The following LGSN variants were observed in gnomAD, a reference collection of about 807,000 sequenced individuals.
LGSN encodes the protein lengsin.
LGSN carries 21 observed loss-of-function variants against 19.5 expected under a neutral mutation model. The ratio of observed to expected loss-of-function variants is 1.07; its 90% CI spans 0.76 to 1.55. The LOEUF (loss-of-function observed/expected upper bound fraction) is 1.55, where lower values mean the gene tolerates loss of function less well. LGSN is among the 40% of genes most tolerant of loss of function. The probability of loss-of-function intolerance (pLI) is 0.00; values close to 1 mark genes in which losing one functional copy is unlikely to be tolerated. For synonymous variants in LGSN, 257 were observed against 215.6 expected (o/e 1.19, Z -1.68); for missense variants, 673 against 608.5 (o/e 1.11, Z -1.12).
chr6:63,458,171 G>A, the LGSN span, among the ~76,000 whole-genome samples: 1 of 152,008 alleles, frequency 6.6e-6, no homozygotes, highest in Non-Finnish European at 1.5e-5. Context: ...GGGTTCAAGC[G>A]ATTCTCCTGC....
chr6:63,372,496 G>T, the LGSN span, among the ~76,000 whole-genome samples: 1 of 152,090 alleles, frequency 6.6e-6, no homozygotes, highest in African/African-American at 2.4e-5. Flanking sequence ...TGGTAAGAGG[G>T]GGGGAAATAA....
intron 1 of LGSN, among the ~76,000 whole-genome samples, chr6:63,308,055 G>C (rs1442587031): frequency 6.6e-6 from 1 of 152,180 alleles, no homozygotes; most frequent in African/African-American, 2.4e-5. Flanking sequence ...GATAGGGAGT[G>C]AGGTAAACCA....
chr6:63,469,245 C>T, the LGSN span, among the ~76,000 whole-genome samples: 2 of 152,170 alleles, frequency 1.3e-5, no homozygotes, highest in East Asian at 3.8e-4. Flanking sequence ...TGGTATGCTT[C>T]AATCTACTAT....
the LGSN span, among the ~76,000 whole-genome samples, chr6:63,363,459 T>A: frequency 6.6e-6 from 1 of 152,270 alleles, no homozygotes; most frequent in African/African-American, 2.4e-5. Flanking sequence ...TGAAAAAAGA[T>A]TAGATGAATG....
At chr6:63,508,867 C>T in the LGSN span, among the ~76,000 whole-genome samples, 892 of 145,536 alleles carry the variant, frequency 6.1e-3, 7 homozygotes, top group South Asian at 0.024. Flanking sequence ...TGCAGTGAGC[C>T]GAGATTGGGC....
At chr6:63,327,112 C>G in the LGSN span, among the ~76,000 whole-genome samples, 2 of 152,164 alleles carry the variant, frequency 1.3e-5, no homozygotes, top group East Asian at 3.9e-4. Flanking sequence ...AAGAAGGGGC[C>G]CTGCAGTTGT....
chr6:63,367,162 A>T, the LGSN span, among the ~76,000 whole-genome samples: 1 of 152,194 alleles, frequency 6.6e-6, no homozygotes, highest in African/African-American at 2.4e-5. Context: ...CAACCTACAG[A>T]ATGGGAGAAA....
chr6:63,366,526 A>G, the LGSN span, among the ~76,000 whole-genome samples: 2 of 152,332 alleles, frequency 1.3e-5, no homozygotes, highest in Non-Finnish European at 2.9e-5. Flanking sequence ...AAGATAATTT[A>G]TAGTTTCAAT....
the LGSN span, among the ~76,000 whole-genome samples, chr6:63,543,589 G>A: frequency 1.6e-4 from 25 of 152,310 alleles, no homozygotes; most frequent in Non-Finnish European, 2.9e-4. Flanking sequence ...ATGATTGAAT[G>A]TGAGGAAGGA....
the LGSN span, among the ~76,000 whole-genome samples, chr6:63,415,358 T>A: frequency 6.6e-6 from 1 of 152,130 alleles, no homozygotes; most frequent in African/African-American, 2.4e-5. Flanking sequence ...CAAGACTGGG[T>A]AATTTATAAA....
rs546846778 is a variant in LGSN, at chr6:63,288,892, GT to G, written c.164-3140del. ...AACCTTAATTACCTCTTTAAAGAAC[GT>G]ATCTCCAAATTCAGCCACACTATCA... On this transcript the variant is annotated intron_variant, in intron 2 of 3. Coordinates refer to ENST00000370657, the MANE Select transcript of LGSN (RefSeq NM_016571.3). Among the ~76,000 whole-genome samples the G allele has an allele frequency of 4.0e-4, 61 of 152,302 alleles. 1 individual carries two copies. In the South Asian group the frequency reaches 0.013, roughly 32 times the overall value.
chr6:63,527,181 C>A, the LGSN span, among the ~76,000 whole-genome samples: 1 of 152,154 alleles, frequency 6.6e-6, no homozygotes, highest in Admixed American at 6.5e-5. Flanking sequence ...TACAGTGAGT[C>A]TTCCTCAGAA....
upstream of LGSN, among the ~76,000 whole-genome samples, chr6:63,322,969 C>T (rs578172770): frequency 2.6e-5 from 4 of 152,150 alleles, no homozygotes; most frequent in South Asian, 4.2e-4. Context: ...TAGAAAACAG[C>T]GTAACTCCCT....
At chr6:63,529,194 T>C in the LGSN span, among the ~76,000 whole-genome samples, 1 of 141,596 alleles carries the variant, frequency 7.1e-6, no homozygotes, top group Admixed American at 7.3e-5. Flanking sequence ...TATGTGTGTA[T>C]ATATATATAT....
At chr6:63,451,009 A>T in the LGSN span, among the ~76,000 whole-genome samples, 2 of 152,198 alleles carry the variant, frequency 1.3e-5, no homozygotes, top group African/African-American at 4.8e-5. Flanking sequence ...ATCAAAAGGG[A>T]CAGGGCACTC....
chr6:63,498,021 C>T, the LGSN span, among the ~76,000 whole-genome samples: 2 of 151,142 alleles, frequency 1.3e-5, no homozygotes, highest in South Asian at 2.1e-4. Flanking sequence ...CGGGTTCAAG[C>T]GATTCTCTTG....
chr6:63,562,474 C>A, the LGSN span, among the ~76,000 whole-genome samples: 1 of 152,216 alleles, frequency 6.6e-6, no homozygotes, highest in Non-Finnish European at 1.5e-5. Context: ...GCTGGGATTA[C>A]AGGCGTGAGC....
At chr6:63,425,820 C>T in the LGSN span, among the ~76,000 whole-genome samples, 2 of 151,692 alleles carry the variant, frequency 1.3e-5, no homozygotes, top group East Asian at 3.9e-4. Flanking sequence ...AAAATAAAAA[C>T]AATAAAAAGA....
the LGSN span, among the ~76,000 whole-genome samples, chr6:63,568,912 T>A: frequency 6.6e-6 from 1 of 152,194 alleles, no homozygotes; most frequent in Non-Finnish European, 1.5e-5. Flanking sequence ...TTATGGCCCA[T>A]TGGGGTATTT....
Sources: gnomAD v4.1 joint callset for allele counts (sites outside exome capture counted in the v4.1 genomes callset) on GRCh38, gnomAD v4.1.1 for gene constraint, MANE v1.5 for transcripts, NCBI Gene and HGNC (gene_info 2026-07-23, HGNC 2026-07-21) for gene names.